Variants in SLCO1B3 observed in about 807,000 individuals in gnomAD.
The protein encoded by SLCO1B3 is solute carrier organic anion transporter family member 1B3, also known as liver-specific organic anion transporter 2.
SLCO1B3 carries 72 observed loss-of-function variants against 71.8 expected under a neutral mutation model. The ratio of observed to expected loss-of-function variants is 1.00; its 90% CI spans 0.83 to 1.22. The LOEUF is 1.22. Among genes scored for constraint, SLCO1B3 ranks in the 50% most tolerant of loss-of-function variants. The pLI is 0.00. For synonymous variants in SLCO1B3, 298 were observed against 278.4 expected (o/e 1.07, Z -0.70); for missense variants, 911 against 819.7 (o/e 1.11, Z -1.36).
At chr12:20,835,591 G>A (rs1159833788) in intron 3 of SLCO1B3, among the ~76,000 whole-genome samples, 4 of 152,082 alleles carry the variant, frequency 2.6e-5, no homozygotes, top group Admixed American at 6.5e-5. Flanking sequence ...ATTTGCTCTA[G>A]TTCCCAAAAA....
chr12:20,839,102 G>A lies in SLCO1B3; in HGVS notation c.85-15926G>A, dbSNP rs1323085189. Reference sequence around the variant, plus strand: ...CAAATTATTTTTATTCTTCTCTCCCGTTTATTGCATCATTGTGTCATTCTT... The same window carrying A: ...CAAATTATTTTTATTCTTCTCTCCCATTTATTGCATCATTGTGTCATTCTT... On this transcript the variant is annotated intron_variant, in intron 3 of 15. Coordinates refer to ENST00000381545, the MANE Select transcript of SLCO1B3 (RefSeq NM_019844.4). Among the ~76,000 whole-genome samples, 7 of 151,652 alleles carry A rather than the reference G, an allele frequency of 4.6e-5. No individual in the cohort carries two copies. The East Asian group carries it at 5.8e-4, about 13-fold the overall frequency.
chr12:20,890,134 G>C (rs1865875783), intron 13 of SLCO1B3, among the ~76,000 whole-genome samples: 1 of 151,372 alleles, frequency 6.6e-6, no homozygotes, highest in Non-Finnish European at 1.5e-5. Flanking sequence ...GGCCAGGCTG[G>C]TCTCAAACTC....
intron 3 of SLCO1B3, among the ~76,000 whole-genome samples, chr12:20,852,964 T>A (rs1275152017): frequency 6.6e-6 from 1 of 152,140 alleles, no homozygotes; most frequent in Non-Finnish European, 1.5e-5. Flanking sequence ...GTTGAATTAA[T>A]ATTAATGTTA....
intron 3 of SLCO1B3, among the ~76,000 whole-genome samples, chr12:20,820,160 A>G (rs1040928770): frequency 1.3e-5 from 2 of 152,120 alleles, no homozygotes; most frequent in Admixed American, 1.3e-4. Flanking sequence ...TGGAGTGGGT[A>G]GCCTCCATAT....
At chr12:20,835,073 T>C (rs979546475) in intron 3 of SLCO1B3, among the ~76,000 whole-genome samples, 6 of 152,194 alleles carry the variant, frequency 3.9e-5, no homozygotes, top group African/African-American at 1.4e-4. Context: ...ATGTGGAAGC[T>C]GCCAAGGCAT....
At chr12:20,874,996 A>G (rs572442846) in intron 8 of SLCO1B3, among the ~76,000 whole-genome samples, 28 of 152,310 alleles carry the variant, frequency 1.8e-4, no homozygotes, top group African/African-American at 6.5e-4. Flanking sequence ...TGCACACAAG[A>G]TCAGGCAATG....
intron 13 of SLCO1B3, among the ~76,000 whole-genome samples, chr12:20,888,143 G>A (rs1865827315): frequency 6.6e-6 from 1 of 151,900 alleles, no homozygotes; most frequent in African/African-American, 2.4e-5. Flanking sequence ...AGTATAATTT[G>A]AAGTCAGGTA....
intron 3 of SLCO1B3, among the ~76,000 whole-genome samples, chr12:20,853,535 C>T (rs1401428745): frequency 6.6e-6 from 1 of 151,936 alleles, no homozygotes; most frequent in Non-Finnish European, 1.5e-5. Context: ...TCATAGTCAT[C>T]TCTTATAATT....
At chr12:20,864,738 C>T (rs144883144) in intron 8 of SLCO1B3, among the ~76,000 whole-genome samples, 2 of 152,270 alleles carry the variant, frequency 1.3e-5, no homozygotes, top group Non-Finnish European at 2.9e-5. Context: ...CTACCCCTGA[C>T]TGTTCAGACC....
intron 3 of SLCO1B3, among the ~76,000 whole-genome samples, chr12:20,850,005 C>G (rs374833864): frequency 6.8e-6 from 1 of 147,898 alleles, no homozygotes; most frequent in Admixed American, 6.7e-5. Flanking sequence ...GCAGATTTAC[C>G]GCACATTCTA....
chr12:20,881,374 C>T (rs1456173134), intron 12 of SLCO1B3, among the ~76,000 whole-genome samples: 1 of 151,978 alleles, frequency 6.6e-6, no homozygotes, highest in Non-Finnish European at 1.5e-5. Flanking sequence ...ATTACTTTAC[C>T]CTTTGGAAGT....
intron 4 of SLCO1B3, among the ~76,000 whole-genome samples, chr12:20,856,426 C>G (rs1036832444): frequency 6.6e-6 from 1 of 151,694 alleles, no homozygotes; most frequent in Non-Finnish European, 1.5e-5. Flanking sequence ...AAAAATGATG[C>G]GAATAAAAAC....
In SLCO1B3 at chr12:20,854,899, G is replaced by A. The variant is rs555135655; in HGVS notation, c.85-129G>A. ...GCTGAGAAGTTTCAACTTGTATAGG[G>A]AAAAATGGGTATTTTTTTATGATAA... On this transcript the variant is annotated intron_variant, in intron 3 of 15. Coordinates refer to ENST00000381545, the MANE Select transcript of SLCO1B3 (RefSeq NM_019844.4). 5.9e-5 allele frequency: 49 copies of A among 830,848 alleles called. No individual in the cohort carries two copies. The South Asian group carries it at 7.9e-4, about 13-fold the overall frequency. 51.5% of individuals were successfully genotyped at this position (830,848 alleles called of 1,614,324 possible). A position where few individuals can be genotyped will look rare whatever the true frequency, so the allele number is the denominator to read the frequency against.
chr12:20,909,648 G>C (rs1301654640), intron 15 of SLCO1B3, among the ~76,000 whole-genome samples: 2 of 152,070 alleles, frequency 1.3e-5, no homozygotes, highest in African/African-American at 4.8e-5. Flanking sequence ...CTCTCAGTCT[G>C]TGGCCTCTGA....
At chr12:20,864,959 C>T (rs543856552) in intron 8 of SLCO1B3, among the ~76,000 whole-genome samples, 4 of 152,046 alleles carry the variant, frequency 2.6e-5, no homozygotes, top group African/African-American at 9.7e-5. Context: ...ATGTGCTCCC[C>T]AGCTCTGGTC....
intron 14 of SLCO1B3, among the ~76,000 whole-genome samples, 198 bp from the exon 15 acceptor site, chr12:20,901,152 A>T (rs1591789520): frequency 6.6e-6 from 1 of 152,180 alleles, no homozygotes; most frequent in East Asian, 1.9e-4. Flanking sequence ...GATCAAATAC[A>T]TCTGTGACAT....
chr12:20,906,302 CA>C (rs1866244950), intron 15 of SLCO1B3, among the ~76,000 whole-genome samples: 1 of 152,120 alleles, frequency 6.6e-6, no homozygotes, highest in Non-Finnish European at 1.5e-5. Flanking sequence ...AAAAGCAAAA[CA>C]ATGGGCAACA....
chr12:20,895,478 G>A (rs1865986800), intron 13 of SLCO1B3, among the ~76,000 whole-genome samples: 1 of 152,170 alleles, frequency 6.6e-6, no homozygotes, highest in South Asian at 2.1e-4. Flanking sequence ...AAATCCAGCA[G>A]GGCAGTCAAA....
At chr12:20,834,125 T>C (rs954544075) in intron 3 of SLCO1B3, among the ~76,000 whole-genome samples, 1 of 142,552 alleles carries the variant, frequency 7.0e-6, no homozygotes, top group East Asian at 2.1e-4. Flanking sequence ...ATAGATATAA[T>C]ACATACATAC....
Sources: gnomAD v4.1 joint callset for allele counts (sites outside exome capture counted in the v4.1 genomes callset) on GRCh38, gnomAD v4.1.1 for gene constraint, MANE v1.5 for transcripts, NCBI Gene and HGNC (gene_info 2026-07-23, HGNC 2026-07-21) for gene names.